Variants in SCHIP1 observed in about 807,000 individuals in gnomAD.
SCHIP1 encodes the protein schwannomin interacting protein 1.
In SCHIP1, 8 loss-of-function variants were observed where a neutral mutation model predicts 29.7. The ratio of observed to expected loss-of-function variants is 0.27; its 90% CI spans 0.16 to 0.49. The LOEUF (loss-of-function observed/expected upper bound fraction) is 0.49, where lower values mean the gene tolerates loss of function less well. Ranked by LOEUF, SCHIP1 falls within the 20% of genes least tolerant of loss-of-function variation. The pLI is 0.99. For synonymous variants in SCHIP1, 76 were observed against 94.9 expected (o/e 0.80, Z 1.16); for missense variants, 193 against 294.6 (o/e 0.66, Z 2.52).
At chr3:159,556,569 C>G in the SCHIP1 span, among the ~76,000 whole-genome samples, 1 of 151,850 alleles carries the variant, frequency 6.6e-6, no homozygotes, top group African/African-American at 2.4e-5. Flanking sequence ...ACATATACAC[C>G]ATGGAACACT....
At chr3:159,352,575 G>A in the SCHIP1 span, among the ~76,000 whole-genome samples, 227 of 151,952 alleles carry the variant, frequency 1.5e-3, 1 homozygote, top group African/African-American at 4.9e-3. Context: ...GTGTGTGTGC[G>A]TGATGGAATT....
chr3:159,658,361 A>T, the SCHIP1 span, among the ~76,000 whole-genome samples: 1 of 152,230 alleles, frequency 6.6e-6, no homozygotes, highest in Non-Finnish European at 1.5e-5. Flanking sequence ...GCAGATATTT[A>T]AAATAATGGT....
At chr3:159,764,988 C>T in the SCHIP1 span, 2 of 1,522,192 alleles carry the variant, frequency 1.3e-6, no homozygotes, top group South Asian at 1.2e-5. This position sits in a 1 kb window ranked among gnomAD's most constrained non-coding sequence, Gnocchi z 6.1. Flanking sequence ...GGGGGCTCTG[C>T]CTTCAGCCCC....
At chr3:159,371,557 A>AAAT in the SCHIP1 span, among the ~76,000 whole-genome samples, 1 of 152,194 alleles carries the variant, frequency 6.6e-6, no homozygotes, top group Non-Finnish European at 1.5e-5. Context: ...AGTTAAAAAG[A>AAAT]AATAGTGTAT....
At chr3:159,480,557 T>C in the SCHIP1 span, among the ~76,000 whole-genome samples, 1 of 152,216 alleles carries the variant, frequency 6.6e-6, no homozygotes, top group South Asian at 2.1e-4. Context: ...GGGTTTTTCT[T>C]TTCTTATTGC....
At chr3:159,399,799 C>T in the SCHIP1 span, among the ~76,000 whole-genome samples, 57 of 152,230 alleles carry the variant, frequency 3.7e-4, no homozygotes, top group African/African-American at 1.4e-3. Context: ...TCTTCAGCCT[C>T]CTGGGTAGCT....
the SCHIP1 span, among the ~76,000 whole-genome samples, chr3:159,529,597 A>T: frequency 6.6e-6 from 1 of 152,208 alleles, no homozygotes; most frequent in African/African-American, 2.4e-5. Context: ...AACATTTATT[A>T]TGTCTTTGTA....
chr3:159,823,089 C>T, the SCHIP1 span, among the ~76,000 whole-genome samples: 4 of 151,856 alleles, frequency 2.6e-5, no homozygotes, highest in Non-Finnish European at 5.9e-5. Context: ...TGGACAGAGC[C>T]ATATGGAAAG....
chr3:159,849,471 G>A (rs977705994), intron 1 of SCHIP1, among the ~76,000 whole-genome samples: 9 of 152,210 alleles, frequency 5.9e-5, no homozygotes, highest in African/African-American at 2.2e-4. Context: ...CATTAACCCA[G>A]ATAAGAATGA....
the SCHIP1 span, among the ~76,000 whole-genome samples, chr3:159,535,801 C>A: frequency 6.6e-6 from 1 of 152,078 alleles, no homozygotes; most frequent in African/African-American, 2.4e-5. Flanking sequence ...CATCCAGTTG[C>A]TTTCTCATAT....
the SCHIP1 span, among the ~76,000 whole-genome samples, chr3:159,680,518 T>A: frequency 0.19 from 22,595 of 119,178 alleles, 2,747 homozygotes; most frequent in African/African-American, 0.33. Flanking sequence ...AAAAAAAAAA[T>A]ATATATATAT....
At chr3:159,752,739 C>T in the SCHIP1 span, among the ~76,000 whole-genome samples, 1 of 152,142 alleles carries the variant, frequency 6.6e-6, no homozygotes, top group Non-Finnish European at 1.5e-5. Flanking sequence ...ATATCCACCC[C>T]CATGATCCAA....
chr3:159,799,774 C>G, the SCHIP1 span, among the ~76,000 whole-genome samples: 2 of 152,194 alleles, frequency 1.3e-5, no homozygotes, highest in Admixed American at 1.3e-4. Context: ...TGGGTTGGGG[C>G]CAGATTAAAA....
the SCHIP1 span, among the ~76,000 whole-genome samples, chr3:159,668,336 A>C: frequency 0.13 from 19,603 of 148,346 alleles, 3,441 homozygotes; most frequent in African/African-American, 0.42. Flanking sequence ...GAGAGCACGC[A>C]ACTGCACTCC....
At chr3:159,816,991 A>C in the SCHIP1 span, among the ~76,000 whole-genome samples, 1 of 152,150 alleles carries the variant, frequency 6.6e-6, no homozygotes. Flanking sequence ...TTGTGCTATA[A>C]ATAAATAATA....
chr3:159,731,738 G>T, the SCHIP1 span, among the ~76,000 whole-genome samples: 1 of 152,186 alleles, frequency 6.6e-6, no homozygotes, highest in Non-Finnish European at 1.5e-5. Flanking sequence ...AGAAGCAGAA[G>T]CCCTTTCATA....
At chr3:159,595,894 A>G in the SCHIP1 span, among the ~76,000 whole-genome samples, 7 of 152,174 alleles carry the variant, frequency 4.6e-5, no homozygotes, top group Non-Finnish European at 4.4e-5. Flanking sequence ...GCCCTAGGCC[A>G]AGGACTTCAT....
chr3:159,361,703 C>T, the SCHIP1 span, among the ~76,000 whole-genome samples: 2 of 152,124 alleles, frequency 1.3e-5, no homozygotes, highest in East Asian at 3.8e-4. Context: ...TGGTACAGAC[C>T]ATGCTATTCA....
the SCHIP1 span, among the ~76,000 whole-genome samples, chr3:159,608,679 G>A: frequency 6.6e-6 from 1 of 152,166 alleles, no homozygotes; most frequent in South Asian, 2.1e-4. Flanking sequence ...AGAAAGTTTG[G>A]AGACCTCAGC....
Sources: gnomAD v4.1 joint callset for allele counts (sites outside exome capture counted in the v4.1 genomes callset) on GRCh38, gnomAD v4.1.1 for gene constraint, Gnocchi (gnomAD v3.1) non-coding constraint, MANE v1.5 for transcripts, NCBI Gene and HGNC (gene_info 2026-07-23, HGNC 2026-07-21) for gene names.